The following ZNF407 variants were observed in gnomAD, a reference collection of about 807,000 sequenced individuals.
ZNF407 encodes zinc finger protein 407.
ZNF407 carries 17 observed loss-of-function variants against 131.2 expected under a neutral mutation model. That is an observed-to-expected ratio of 0.13 (90% CI 0.09 to 0.19). ZNF407 has a LOEUF of 0.19. Ranked by LOEUF, ZNF407 falls within the 10% of genes least tolerant of loss-of-function variation. The probability of loss-of-function intolerance (pLI) is 1.00; values close to 1 mark genes in which losing one functional copy is unlikely to be tolerated. For missense variants in ZNF407, 2,681 were observed against 2,830.6 expected, an observed-to-expected ratio of 0.95 and a Z score of 1.20; for synonymous variants, 1,156 against 1,062.0, an observed-to-expected ratio of 1.09 and a Z score of -1.72.
At chr18:74,792,575 TAGG>T (rs1328155630) in intron 4 of ZNF407, among the ~76,000 whole-genome samples, 3 of 151,452 alleles carry the variant, frequency 2.0e-5, no homozygotes, top group Admixed American at 1.3e-4. Flanking sequence ...TATCGAACAT[TAGG>T]AGAAATTTTA....
At chr18:75,043,102 C>T (rs1475447488) in intron 8 of ZNF407, among the ~76,000 whole-genome samples, 2 of 152,190 alleles carry the variant, frequency 1.3e-5, no homozygotes, top group African/African-American at 4.8e-5. Flanking sequence ...CTGTTTTCCA[C>T]CATGGCTGTG....
At chr18:74,870,889 A>G (rs1009370631) in intron 4 of ZNF407, among the ~76,000 whole-genome samples, 1 of 152,194 alleles carries the variant, frequency 6.6e-6, no homozygotes, top group Non-Finnish European at 1.5e-5. Context: ...TGAACAGGTT[A>G]CTATGGAATT....
At chr18:74,921,210 A>G (rs533949721) in intron 8 of ZNF407, among the ~76,000 whole-genome samples, 1 of 152,258 alleles carries the variant, frequency 6.6e-6, no homozygotes, top group Admixed American at 6.5e-5. Flanking sequence ...AGGTTGGGGA[A>G]GAGCTGGTGA....
At chr18:74,667,049 C>T (rs1234084530) in intron 3 of ZNF407, among the ~76,000 whole-genome samples, 2 of 152,186 alleles carry the variant, frequency 1.3e-5, no homozygotes, top group Non-Finnish European at 2.9e-5. Flanking sequence ...TTCCTACTTT[C>T]TCTACTTTGT....
intron 4 of ZNF407, among the ~76,000 whole-genome samples, chr18:74,844,121 A>C (rs1049364020): frequency 6.6e-6 from 1 of 151,902 alleles, no homozygotes; most frequent in African/African-American, 2.4e-5. Flanking sequence ...TCCAACCTTG[A>C]CTCTACTGCC....
intron 4 of ZNF407, among the ~76,000 whole-genome samples, chr18:74,837,037 C>T (rs1265838666): frequency 1.3e-5 from 2 of 152,118 alleles, no homozygotes; most frequent in African/African-American, 2.4e-5. Context: ...CAGAAGAGGT[C>T]ATTTTCCTGA....
In ZNF407 at chr18:74,634,291, C is replaced by G; in HGVS notation, c.3272C>G (p.Ser1091Cys). 6.2e-7 allele frequency: 1 copy of G among 1,613,944 alleles called. No individual in the cohort carries two copies. The highest frequency in any genetic ancestry group is 8.5e-7 in the Non-Finnish European group (1 of 1,179,872). Residue 1091 changes from serine to cysteine, a missense_variant, in exon 2 of 9, where the codon TCC (serine) becomes TGC (cysteine). Ser to Cys is a moderately radical substitution (Grantham distance 112, BLOSUM62 -1). Coordinates refer to ENST00000299687, the MANE Select transcript of ZNF407 (RefSeq NM_017757.3). ...GTAGAAGCTGGTTCTGCAGACATGT[C>G]CAAAAACATCATTATGCCTGAAGAA... is the stretch of plus-strand genomic sequence containing the variant. The part of the protein sequence containing the change: ...ANVEAGSADM[S>C]KNIIMPEEEH...
chr18:74,717,785 A>G (rs1479446363), intron 3 of ZNF407, among the ~76,000 whole-genome samples: 3 of 152,196 alleles, frequency 2.0e-5, no homozygotes, highest in Non-Finnish European at 4.4e-5. Context: ...GGCATTATAT[A>G]ATATACTTAC....
At chr18:74,752,759 G>C (rs1046468421) in intron 3 of ZNF407, among the ~76,000 whole-genome samples, 1 of 152,206 alleles carries the variant, frequency 6.6e-6, no homozygotes, top group Admixed American at 6.5e-5. Context: ...CCAGTACCAT[G>C]CTGTTTTGGT....
chr18:74,795,637 A>C (rs1368875890), intron 4 of ZNF407, among the ~76,000 whole-genome samples: 2 of 152,232 alleles, frequency 1.3e-5, no homozygotes, highest in Non-Finnish European at 2.9e-5. Context: ...CAAGCATGTA[A>C]ATTATGAACT....
At chr18:74,682,018 C>CA (rs2144779311) in intron 3 of ZNF407, among the ~76,000 whole-genome samples, 2 of 152,302 alleles carry the variant, frequency 1.3e-5, no homozygotes, top group East Asian at 3.9e-4. Context: ...TATATTGCCA[C>CA]ATCTACCAAG....
At position 74,632,301 on chromosome 18, in the gene ZNF407, C is replaced by T. The variant is rs771815117; in HGVS notation, c.1282C>T (p.Arg428Cys). The T allele has an allele frequency of 3.4e-5, 55 of 1,613,820 alleles. No homozygotes were observed. The highest frequency in any genetic ancestry group is 4.1e-5 in the Non-Finnish European group (48 of 1,179,910). The change falls in exon 2 of 9, where the codon CGT (arginine) becomes TGT (cysteine). Residue 428 changes from arginine (R) to cysteine (C), a missense_variant. Physicochemically the swap from Arg to Cys is radical, Grantham distance 180. This residue lies in a region of ZNF407 where 1,789 missense variants were observed against 1,748.7 expected (regional missense o/e 1.02). Coordinates refer to ENST00000299687, the MANE Select transcript of ZNF407 (RefSeq NM_017757.3). ...RNILVLGNSF[R>C]RRSSTFTLKG... The stretch of plus-strand genomic sequence containing the variant: ...TATTCTCGTGTTGGGTAATAGCTTT[C>T]GTCGACGAAGCAGCACTTTCACCTT...
At chr18:74,924,661 C>T (rs907142836) in intron 8 of ZNF407, among the ~76,000 whole-genome samples, 3 of 152,110 alleles carry the variant, frequency 2.0e-5, no homozygotes, top group Non-Finnish European at 4.4e-5. Context: ...AGTCTGACCC[C>T]ATGTGTAGTT....
chr18:74,897,212 A>T (rs1170817506), intron 7 of ZNF407, among the ~76,000 whole-genome samples: 1 of 152,232 alleles, frequency 6.6e-6, no homozygotes, highest in Non-Finnish European at 1.5e-5. Flanking sequence ...TAAGTAAAAG[A>T]TCTTACAAAC....
At chr18:75,049,954 C>G (rs1305465917) in intron 8 of ZNF407, among the ~76,000 whole-genome samples, 1 of 152,148 alleles carries the variant, frequency 6.6e-6, no homozygotes, top group African/African-American at 2.4e-5. Flanking sequence ...ATTGATCCTA[C>G]CAGTGGCTAG....
chr18:74,975,700 A>G (rs1033493951), intron 8 of ZNF407, among the ~76,000 whole-genome samples: 1 of 152,216 alleles, frequency 6.6e-6, no homozygotes, highest in Non-Finnish European at 1.5e-5. Flanking sequence ...GATCAGCTTC[A>G]GTGAGTATAC....
intron 8 of ZNF407, among the ~76,000 whole-genome samples, chr18:75,020,977 A>T (rs1177800176): frequency 2.6e-5 from 4 of 152,150 alleles, no homozygotes; most frequent in Non-Finnish European, 5.9e-5. Flanking sequence ...GCTCCAGACC[A>T]GACACTGAGC....
chr18:75,043,689 G>C (rs552508112), intron 8 of ZNF407, among the ~76,000 whole-genome samples: 2 of 152,198 alleles, frequency 1.3e-5, no homozygotes, highest in Admixed American at 1.3e-4. Flanking sequence ...CAAAGTTTGG[G>C]TTTGCTTCTG....
intron 3 of ZNF407, among the ~76,000 whole-genome samples, chr18:74,754,369 G>GAA (rs1968880018): frequency 1.3e-5 from 2 of 152,124 alleles, no homozygotes; most frequent in African/African-American, 2.4e-5. Flanking sequence ...ACTGATCTTA[G>GAA]TTATTTCTTG....
Sources: gnomAD v4.1 joint callset for allele counts (sites outside exome capture counted in the v4.1 genomes callset) on GRCh38, gnomAD v4.1.1 for gene constraint, gnomAD v4.1.1 regional missense constraint, MANE v1.5 for transcripts, NCBI Gene and HGNC (gene_info 2026-07-23, HGNC 2026-07-21) for gene names.